The following CTNNAL1 variants were observed in gnomAD, a reference collection of about 807,000 sequenced individuals.
CTNNAL1 encodes catenin alpha like 1, also known as alpha-catulin.
In CTNNAL1, 69 loss-of-function variants were observed where a neutral mutation model predicts 93.6. The ratio of observed to expected loss-of-function variants is 0.74; its 90% CI spans 0.61 to 0.90. CTNNAL1 has a LOEUF of 0.90. CTNNAL1 is among the 40% of genes least tolerant of loss of function. The pLI is 0.00. For missense variants in CTNNAL1, 836 were observed against 862.0 expected (o/e 0.97, Z 0.38); for synonymous variants, 286 against 305.4 (o/e 0.94, Z 0.66).
intron 15 of CTNNAL1, among the ~76,000 whole-genome samples, chr9:108,945,628 G>GTT (rs11287261): frequency 1.4e-5 from 2 of 140,402 alleles, no homozygotes; most frequent in Admixed American, 7.0e-5. Context: ...TGCCCCGCTA[G>GTT]TTTTTTTTTT....
At chr9:108,991,009 G>A (rs1457448148) in intron 3 of CTNNAL1, among the ~76,000 whole-genome samples, 164 bp from the exon 4 acceptor site, 2 of 152,172 alleles carry the variant, frequency 1.3e-5, no homozygotes, top group African/African-American at 4.8e-5. Flanking sequence ...AGAAGTAGAA[G>A]TAGATTCAAG....
At chr9:108,974,907 C>T (rs1564133863) in intron 8 of CTNNAL1, among the ~76,000 whole-genome samples, 2 of 152,076 alleles carry the variant, frequency 1.3e-5, no homozygotes, top group African/African-American at 2.4e-5. Context: ...AGCCTGGGTG[C>T]AGTGGCTCAC....
chr9:108,997,433 C>A (rs1832064482), intron 2 of CTNNAL1, among the ~76,000 whole-genome samples: 1 of 152,182 alleles, frequency 6.6e-6, no homozygotes, highest in Non-Finnish European at 1.5e-5. Flanking sequence ...CATAAAAGAT[C>A]TGTGAAATGT....
At chr9:109,001,785 G>T (rs1826837927) in intron 1 of CTNNAL1, among the ~76,000 whole-genome samples, 1 of 152,164 alleles carries the variant, frequency 6.6e-6, no homozygotes, top group Non-Finnish European at 1.5e-5. Context: ...TCTTTATTTT[G>T]ATTTTATGAG....
intron 6 of CTNNAL1, among the ~76,000 whole-genome samples, chr9:108,980,982 C>T (rs1188581737): frequency 1.3e-5 from 2 of 152,156 alleles, no homozygotes; most frequent in Non-Finnish European, 2.9e-5. Flanking sequence ...ATAGATTATA[C>T]TCTCCATCAG....
At chr9:108,999,409 T>C (rs912937888) in intron 1 of CTNNAL1, among the ~76,000 whole-genome samples, 153 bp from the exon 2 acceptor site, 4 of 152,200 alleles carry the variant, frequency 2.6e-5, no homozygotes, top group African/African-American at 9.7e-5. Flanking sequence ...ACCAGCAAAG[T>C]ATCCTGCATC....
intron 14 of CTNNAL1, among the ~76,000 whole-genome samples, chr9:108,949,824 A>G (rs550638459): frequency 1.9e-4 from 29 of 152,264 alleles, no homozygotes; most frequent in Non-Finnish European, 3.1e-4. Flanking sequence ...AGCCTGGGTG[A>G]CAGAGCAAGA....
chr9:108,964,804 G>A (rs1200540585), intron 11 of CTNNAL1, among the ~76,000 whole-genome samples: 1 of 151,832 alleles, frequency 6.6e-6, no homozygotes, highest in Non-Finnish European at 1.5e-5. Context: ...GGAAAACTAG[G>A]ATGTTAATAT....
chr9:109,008,152 C>CTTTTTTTTTTTTTTTTT (rs149753320), intron 1 of CTNNAL1, among the ~76,000 whole-genome samples: 1 of 85,292 alleles, frequency 1.2e-5, no homozygotes, highest in Non-Finnish European at 2.2e-5. Flanking sequence ...ATCCATCTTT[C>CTTTTTTTTTTTTTTTTT]TTTTTTTTTT....
intron 1 of CTNNAL1, among the ~76,000 whole-genome samples, chr9:109,011,037 T>A (rs17729523): frequency 6.6e-6 from 1 of 152,110 alleles, no homozygotes; most frequent in African/African-American, 2.4e-5. Flanking sequence ...GCTTAAAATA[T>A]CCTTGTGGAT....
At chr9:108,946,913 A>C (rs1830419549) in intron 15 of CTNNAL1, among the ~76,000 whole-genome samples, 1 of 152,156 alleles carries the variant, frequency 6.6e-6, no homozygotes, top group Non-Finnish European at 1.5e-5. Context: ...ACTTGGGCCA[A>C]ACTGAAAAAA....
In CTNNAL1 at chr9:108,965,427, G is replaced by T; in HGVS notation, c.1542C>A (p.Asp514Glu). Reference protein sequence around the residue: ...FCEAWESQISDMSTLLREIND... With the variant: ...FCEAWESQISEMSTLLREIND... ...TGATTTCTCTCAGCAGTGTTGACAT[G>T]TCACTAATTTGGGATTCCCAAGCTT... Residue 514 changes from aspartate (D) to glutamate (E), a missense_variant, in exon 11 of 19, where the codon GAC becomes GAA. Coordinates refer to ENST00000325551, the MANE Select transcript of CTNNAL1 (RefSeq NM_003798.4). 6.3e-7 allele frequency: 1 copy of T among 1,593,388 alleles called. No homozygotes were observed. Among genetic ancestry groups the T allele is most frequent in the East Asian group, 2.3e-5 (1 of 43,590 alleles).
intron 1 of CTNNAL1, among the ~76,000 whole-genome samples, chr9:109,012,441 G>C (rs1564156934): frequency 6.6e-6 from 1 of 152,060 alleles, no homozygotes; most frequent in Admixed American, 6.5e-5. Context: ...TCGCCAACGC[G>C]CTCCCGAAGG....
chr9:108,957,450 C>T (rs73526146), intron 11 of CTNNAL1, among the ~76,000 whole-genome samples: 4,223 of 152,148 alleles, frequency 0.028, 187 homozygotes, highest in African/African-American at 0.097. Context: ...ATGTGTGTCA[C>T]GTTCTGTTTC....
intron 15 of CTNNAL1, among the ~76,000 whole-genome samples, chr9:108,945,766 T>C (rs1237468827): frequency 1.3e-5 from 2 of 152,160 alleles, no homozygotes; most frequent in African/African-American, 4.8e-5. Flanking sequence ...TGAGCCATTG[T>C]GCCCAGACTG....
intron 3 of CTNNAL1, among the ~76,000 whole-genome samples, chr9:108,991,226 A>C (rs1209294688): frequency 2.0e-5 from 3 of 152,232 alleles, no homozygotes; most frequent in Non-Finnish European, 4.4e-5. Context: ...GTCAGCACAC[A>C]CAAGCTTTAA....
intron 11 of CTNNAL1, among the ~76,000 whole-genome samples, chr9:108,964,842 T>A (rs998920287): frequency 5.1e-4 from 70 of 136,206 alleles, no homozygotes; most frequent in Middle Eastern, 3.5e-3. Context: ...ATGCTGTTTG[T>A]TTTATTTATT....
At position 108,955,841 on chromosome 9, in the gene CTNNAL1, A is replaced by G; in HGVS notation, c.1592-14T>C. Reference sequence around the variant, plus strand: ...CATACTTCTCTCCTACAAATAACACATATAACTTAAAAAATTTTTTCTATT... The same window carrying G: ...CATACTTCTCTCCTACAAATAACACGTATAACTTAAAAAATTTTTTCTATT... On this transcript the variant is annotated splice_polypyrimidine_tract_variant and intron_variant, in intron 11 of 18. Transcript: ENST00000325551. The G allele has an allele frequency of 1.3e-6, 2 of 1,544,186 alleles. No homozygotes were observed. Among genetic ancestry groups the G allele is most frequent in the Non-Finnish European group, 8.7e-7 (1 of 1,147,582 alleles).
At chr9:108,995,459 C>T (rs1433092718) in intron 2 of CTNNAL1, among the ~76,000 whole-genome samples, 1 of 152,166 alleles carries the variant, frequency 6.6e-6, no homozygotes, top group Non-Finnish European at 1.5e-5. Flanking sequence ...GTTGGCTCCA[C>T]CAACATGGGC....
Sources: allele counts gnomAD v4.1 joint callset (sites outside exome capture counted in the v4.1 genomes callset), GRCh38; gene constraint gnomAD v4.1.1; transcripts MANE v1.5; gene names NCBI Gene and HGNC (gene_info 2026-07-23, HGNC 2026-07-21).